The following ARHGEF33 variants were observed in gnomAD, a reference collection of about 807,000 sequenced individuals.
ARHGEF33 encodes Rho guanine nucleotide exchange factor 33, also known as DH and coiled-coil domain-containing protein ENSP00000381780.
A neutral mutation model predicts 101.9 loss-of-function variants in ARHGEF33; 72 were observed. The ratio of observed to expected loss-of-function variants is 0.71; its 90% confidence interval spans 0.58 to 0.86. The LOEUF (loss-of-function observed/expected upper bound fraction) is 0.86, where lower values mean the gene tolerates loss of function less well. Among genes scored for constraint, ARHGEF33 ranks in the 40% least tolerant of loss-of-function variants. ARHGEF33 has a pLI of 0.00. For missense variants in ARHGEF33, 1,169 were observed against 1,111.3 expected, an observed-to-expected ratio of 1.05 and a Z score of -0.74; for synonymous variants, 499 against 442.5, an observed-to-expected ratio of 1.13 and a Z score of -1.60.
chr2:38,955,931 A>G (rs1217370663), intron 13 of ARHGEF33, among the ~76,000 whole-genome samples: 1 of 152,098 alleles, frequency 6.6e-6, no homozygotes, highest in Non-Finnish European at 1.5e-5. Flanking sequence ...CACCTCCCAA[A>G]GTGCTGGGAT....
At position 38,905,011 on chromosome 2, in the gene ARHGEF33, T is replaced by C. The variant is rs72799408; in HGVS notation, c.-86+9162T>C. The stretch of plus-strand genomic sequence containing the variant: ...GGCGATCATTCCGAGGTCTTGAGAG[T>C]GGGTCAGTGGTGGTGCTAGTGGCAG... On this transcript the variant is annotated intron_variant, in intron 2 of 17. Coordinates refer to ENST00000409978, the MANE Select transcript of ARHGEF33 (RefSeq NM_001145451.5). Among the ~76,000 whole-genome samples the C allele has an allele frequency of 9.5e-3, 1,449 of 152,026 alleles. 4 individuals carry two copies. Among genetic ancestry groups the C allele is most frequent in the Middle Eastern group, 0.02 (6 of 294 alleles).
Position 38,960,493 on chromosome 2 carries a change from A to C in ARHGEF33, c.2188A>C (p.Ser730Arg). Reference protein sequence around the residue: ...GVAPRLYSTRSSSGGRAPIKA... With the variant: ...GVAPRLYSTRRSSGGRAPIKA... ...GGCCCCACGCCTCTACAGCACGCGC[A>C]GCAGCAGCGGCGGCCGCGCGCCCAT... Residue 730 changes from serine to arginine, a missense_variant, in exon 16 of 18, where the codon AGC becomes CGC. Physicochemically the swap from Ser to Arg is moderately radical, Grantham distance 110 (BLOSUM62 -1). Transcript: ENST00000409978. The C allele has an allele frequency of 7.3e-7, 1 of 1,372,724 alleles. No individual in the cohort carries two copies. Among genetic ancestry groups the C allele is most frequent in the Non-Finnish European group, 9.4e-7 (1 of 1,063,684 alleles). 85.0% of individuals were successfully genotyped at this position (1,372,724 alleles called of 1,614,324 possible). A position where few individuals can be genotyped will look rare whatever the true frequency, so the allele number is the denominator to read the frequency against.
In ARHGEF33 at chr2:38,896,101, A is replaced by T. The variant is rs1213829078; in HGVS notation, c.-86+252A>T. Among the ~76,000 whole-genome samples the T allele has an allele frequency of 2.0e-5, 3 of 152,206 alleles. No individual in the cohort carries two copies. The South Asian group carries it at 6.2e-4, about 32-fold the overall frequency. On this transcript the variant is annotated intron_variant, in intron 2 of 17. Transcript: ENST00000409978. ...CTTGATTGCGTATATGAATGCTAAC[A>T]GCATTGAGACAAGAATGAACTATGC...
intron 2 of ARHGEF33, among the ~76,000 whole-genome samples, chr2:38,897,903 A>T (rs1018239817): frequency 1.3e-5 from 2 of 152,198 alleles, no homozygotes; most frequent in African/African-American, 2.4e-5. Flanking sequence ...ATGGATGGGG[A>T]ACCATGACTG....
At chr2:38,957,071 AG>A in intron 14 of ARHGEF33, 24 bp downstream of exon 14, 1 of 1,551,376 alleles carries the variant, frequency 6.4e-7, no homozygotes, top group Non-Finnish European at 8.7e-7. Context: ...GGTGTGGTCT[AG>A]AGGGTCGAAG....
At chr2:38,951,741 T>G (rs2124413554) in intron 11 of ARHGEF33, among the ~76,000 whole-genome samples, 1 of 150,800 alleles carries the variant, frequency 6.6e-6, no homozygotes, top group Non-Finnish European at 1.5e-5. Context: ...TACACACACA[T>G]GCATATATAT....
chr2:38,911,733 A>G (rs530465853), intron 2 of ARHGEF33, among the ~76,000 whole-genome samples: 2 of 152,200 alleles, frequency 1.3e-5, no homozygotes, highest in African/African-American at 4.8e-5. Flanking sequence ...CTTCCCCGCC[A>G]GGCACTGTGG....
intron 9 of ARHGEF33, among the ~76,000 whole-genome samples, chr2:38,939,253 C>T (rs145477270): frequency 2.0e-5 from 3 of 152,294 alleles, no homozygotes; most frequent in African/African-American, 4.8e-5. Context: ...GGATTACAGG[C>T]GTAAGCCACT....
chr2:38,946,263 ATTG>A (rs2124405643), intron 10 of ARHGEF33, among the ~76,000 whole-genome samples: 1 of 152,262 alleles, frequency 6.6e-6, no homozygotes, highest in East Asian at 1.9e-4. Context: ...ATTTTTCTAA[ATTG>A]TTCTCTTATG....
rs771847486 is a variant in ARHGEF33, at chr2:38,954,367, A to AT, written c.1138-4dup. The stretch of plus-strand genomic sequence containing the variant: ...TGAAGAGTAACTTGACCTTTCTTTC[A>AT]TTCAGGGTGATGAAGAGATTAAATC... On this transcript the variant is annotated splice_region_variant and splice_polypyrimidine_tract_variant and intron_variant, in intron 12 of 17. Coordinates refer to ENST00000409978, the MANE Select transcript of ARHGEF33 (RefSeq NM_001145451.5). 41 of 1,533,350 alleles carry AT rather than the reference A, an allele frequency of 2.7e-5. No individual in the cohort carries two copies. The highest frequency in any genetic ancestry group is 2.7e-6 in the Non-Finnish European group (3 of 1,130,548). 95.0% of individuals were successfully genotyped at this position (1,533,350 alleles called of 1,614,324 possible).
chr2:38,932,942 T>G (rs1182884172), intron 7 of ARHGEF33, among the ~76,000 whole-genome samples: 1 of 152,206 alleles, frequency 6.6e-6, no homozygotes, highest in Non-Finnish European at 1.5e-5. Flanking sequence ...GATAAGACAT[T>G]CTGCACATAC....
At position 38,953,159 on chromosome 2, in the gene ARHGEF33, A is replaced by G; in HGVS notation, c.1054-3A>G. The G allele has an allele frequency of 6.9e-7, 1 of 1,449,418 alleles. No homozygotes were observed. Among genetic ancestry groups the G allele is most frequent in the Non-Finnish European group, 9.5e-7 (1 of 1,053,504 alleles). The allele number at this position is 1,449,418 out of a possible 1,614,324, so 89.8% of individuals were successfully genotyped here. ...ACCATGCATTTTTGTGTTTGTTTTAAAGAATAATTTCTTGGATTATTATGT... is the reference window on the plus strand; with the variant it reads ...ACCATGCATTTTTGTGTTTGTTTTAGAGAATAATTTCTTGGATTATTATGT... On this transcript the variant is annotated splice_region_variant and splice_polypyrimidine_tract_variant and intron_variant, in intron 11 of 17. Coordinates refer to ENST00000409978, the MANE Select transcript of ARHGEF33 (RefSeq NM_001145451.5).
At chr2:38,953,728 T>C (rs1021409856) in intron 12 of ARHGEF33, among the ~76,000 whole-genome samples, 2 of 152,152 alleles carry the variant, frequency 1.3e-5, no homozygotes, top group Non-Finnish European at 2.9e-5. Flanking sequence ...TTCAGATCAA[T>C]AGGAAAAAAC....
At chr2:38,954,303 G>T in intron 12 of ARHGEF33, 70 bp from the exon 13 acceptor site, 1 of 882,594 alleles carries the variant, frequency 1.1e-6, no homozygotes, top group South Asian at 1.5e-5. Context: ...ACCCTGGTGG[G>T]ACTGATTCGA....
At chr2:38,922,853 T>C (rs1269816887) in intron 4 of ARHGEF33, among the ~76,000 whole-genome samples, 1 of 152,092 alleles carries the variant, frequency 6.6e-6, no homozygotes, top group Non-Finnish European at 1.5e-5. Flanking sequence ...ATTTGACAAG[T>C]AGGTATAGGT....
intron 15 of ARHGEF33, 21 bp downstream of exon 15, chr2:38,958,219 G>A: frequency 6.4e-7 from 1 of 1,550,916 alleles, no homozygotes; most frequent in South Asian, 1.2e-5. Flanking sequence ...GTTGCTGTGG[G>A]AAGGTTAATG....
rs760273906 is a variant in ARHGEF33, at chr2:38,931,267, C to A, written c.505+16C>A. On this transcript the variant is annotated intron_variant, in intron 7 of 17. Transcript: ENST00000409978. Reference sequence around the variant, plus strand: ...TACGAGAAAGGTACAGTTCACAAATCATACTGAATTAATCAAGTATTTTTT... The same window carrying A: ...TACGAGAAAGGTACAGTTCACAAATAATACTGAATTAATCAAGTATTTTTT... 3.3e-6 allele frequency: 5 copies of A among 1,536,684 alleles called. No homozygotes were observed. In the African/African-American group the frequency reaches 4.2e-5, roughly 13 times the overall value.
chr2:38,891,690 G>C (rs989291442), intron 1 of ARHGEF33, among the ~76,000 whole-genome samples: 7 of 152,000 alleles, frequency 4.6e-5, no homozygotes, highest in African/African-American at 7.2e-5. Flanking sequence ...CATAATTCTT[G>C]CTAATCTTCT....
At position 38,948,224 on chromosome 2, in the gene ARHGEF33, G is replaced by T. The variant is rs929070548; in HGVS notation, c.921-2765G>T. 4.6e-5 allele frequency among the ~76,000 whole-genome samples: 7 copies of T among 152,160 alleles called. No individual in the cohort carries two copies. In the East Asian group the frequency reaches 7.7e-4, roughly 17 times the overall value. ...TTGTACTTGCCATCTTTCTCCCTTTGCTGTCTGTCTTCTGATTTCACACTC... is the reference window on the plus strand; with the variant it reads ...TTGTACTTGCCATCTTTCTCCCTTTTCTGTCTGTCTTCTGATTTCACACTC... On this transcript the variant is annotated intron_variant, in intron 10 of 17. Transcript: ENST00000409978.
Sources: allele counts gnomAD v4.1 joint callset (sites outside exome capture counted in the v4.1 genomes callset), GRCh38; gene constraint gnomAD v4.1.1; transcripts MANE v1.5; gene names NCBI Gene and HGNC (gene_info 2026-07-23, HGNC 2026-07-21).